Variants in MAF observed in about 807,000 individuals in gnomAD.
MAF encodes MAF bZIP transcription factor.
Under a neutral mutation model 22.0 loss-of-function variants are expected in MAF, and 10 were observed. That is an observed-to-expected ratio of 0.45 (90% CI 0.28 to 0.77). The LOEUF (loss-of-function observed/expected upper bound fraction) is 0.77, where lower values mean the gene tolerates loss of function less well. Among genes scored for constraint, MAF ranks in the 30% least tolerant of loss-of-function variants. The pLI is 0.12. For missense variants in MAF, 544 were observed against 548.4 expected, an observed-to-expected ratio of 0.99 and a Z score of 0.08; for synonymous variants, 337 against 255.8, an observed-to-expected ratio of 1.32 and a Z score of -3.03.
At chr16:79,497,623 G>T in the MAF span, among the ~76,000 whole-genome samples, 5 of 152,202 alleles carry the variant, frequency 3.3e-5, no homozygotes, top group Admixed American at 6.5e-5. Flanking sequence ...CCAAGACGAG[G>T]AATCTGGTGA....
chr16:79,386,805 C>T, the MAF span, among the ~76,000 whole-genome samples: 1 of 151,842 alleles, frequency 6.6e-6, no homozygotes, highest in Non-Finnish European at 1.5e-5. Context: ...ATCCTTAGAG[C>T]CAAAAGAAGA....
the MAF span, among the ~76,000 whole-genome samples, chr16:79,427,958 G>A: frequency 6.6e-6 from 1 of 151,872 alleles, no homozygotes; most frequent in Non-Finnish European, 1.5e-5. Flanking sequence ...AGTGAAGGAG[G>A]GACACCCTTG....
the MAF span, among the ~76,000 whole-genome samples, chr16:79,456,601 G>C: frequency 6.6e-6 from 1 of 152,140 alleles, no homozygotes; most frequent in African/African-American, 2.4e-5. Context: ...GAGCTACTAA[G>C]CTGGCTCAAT....
chr16:79,260,970 G>GTGTAA, the MAF span, among the ~76,000 whole-genome samples: 2 of 152,088 alleles, frequency 1.3e-5, no homozygotes, highest in East Asian at 1.9e-4. Flanking sequence ...ATACCCTGGG[G>GTGTAA]TGTAGGTCAG....
chr16:79,285,778 T>G, the MAF span, among the ~76,000 whole-genome samples: 2 of 152,062 alleles, frequency 1.3e-5, no homozygotes, highest in South Asian at 4.2e-4. Flanking sequence ...AGGCGGGAGG[T>G]GACTTCCCCA....
Position 79,600,066 on chromosome 16 carries a change from A to C in MAF, c.-164T>G. The C allele has an allele frequency of 5.7e-6, 5 of 874,074 alleles. No individual in the cohort carries two copies. Among genetic ancestry groups the C allele is most frequent in the East Asian group, 2.7e-5 (1 of 36,670 alleles). 54.1% of individuals were successfully genotyped at this position (874,074 alleles called of 1,614,324 possible). On this transcript the variant is annotated 5_prime_UTR_variant, in exon 1 of 2. Coordinates refer to ENST00000326043, the MANE Select transcript of MAF (RefSeq NM_005360.5). ...GCCCGAAACCTCCGAGCGCGCTCAC[A>C]CACACACCCCCCCGCCCTGCCCGCG...
At chr16:79,509,371 C>A in the MAF span, among the ~76,000 whole-genome samples, 1 of 152,216 alleles carries the variant, frequency 6.6e-6, no homozygotes, top group Non-Finnish European at 1.5e-5. Context: ...GGGGCACATT[C>A]CCCACATCCA....
chr16:79,379,178 G>C, the MAF span, among the ~76,000 whole-genome samples: 2 of 152,158 alleles, frequency 1.3e-5, no homozygotes, highest in Non-Finnish European at 2.9e-5. Flanking sequence ...TCTCTTACTT[G>C]GTAAAGAGAA....
the MAF span, among the ~76,000 whole-genome samples, chr16:79,318,659 C>T: frequency 1.3e-5 from 2 of 152,158 alleles, 1 homozygote; most frequent in East Asian, 3.8e-4. Flanking sequence ...TTGGATACAT[C>T]CATTTCATGG....
At chr16:79,568,851 T>A in the MAF span, among the ~76,000 whole-genome samples, 1 of 152,218 alleles carries the variant, frequency 6.6e-6, no homozygotes, top group South Asian at 2.1e-4. Flanking sequence ...TACTGAGCAC[T>A]TCTAGGGGCT....
At chr16:79,277,620 T>G in the MAF span, among the ~76,000 whole-genome samples, 1 of 152,220 alleles carries the variant, frequency 6.6e-6, no homozygotes, top group African/African-American at 2.4e-5. Flanking sequence ...CCTACATTTG[T>G]CAGGGAGATG....
chr16:79,412,749 C>G, the MAF span, among the ~76,000 whole-genome samples: 1 of 152,280 alleles, frequency 6.6e-6, no homozygotes, highest in East Asian at 1.9e-4. Context: ...ATGAAAGGGC[C>G]TACTCCAGAG....
At chr16:79,343,247 C>A in the MAF span, among the ~76,000 whole-genome samples, 6,231 of 144,462 alleles carry the variant, frequency 0.043, 357 homozygotes, top group African/African-American at 0.14. Flanking sequence ...AACCCCCCCC[C>A]AAAAAAATCT....
the MAF span, among the ~76,000 whole-genome samples, chr16:79,467,275 C>T: frequency 6.6e-6 from 1 of 152,180 alleles, no homozygotes; most frequent in Non-Finnish European, 1.5e-5. Flanking sequence ...CTATTACAGT[C>T]TCTCACTGCC....
At chr16:79,434,933 C>A in the MAF span, among the ~76,000 whole-genome samples, 5 of 152,062 alleles carry the variant, frequency 3.3e-5, no homozygotes, top group Non-Finnish European at 5.9e-5. Flanking sequence ...TCCAGGGAGG[C>A]AACGATTTGT....
chr16:79,502,849 A>G, the MAF span, among the ~76,000 whole-genome samples: 1 of 149,474 alleles, frequency 6.7e-6, no homozygotes, highest in Non-Finnish European at 1.5e-5. Flanking sequence ...GGTGATGGAA[A>G]TATTCTTTAC....
chr16:79,483,550 G>T, the MAF span, among the ~76,000 whole-genome samples: 1 of 151,950 alleles, frequency 6.6e-6, no homozygotes, highest in African/African-American at 2.4e-5. Context: ...GAAGAGAATA[G>T]AATGGGCAAG....
At chr16:79,406,939 T>G in the MAF span, among the ~76,000 whole-genome samples, 1 of 152,132 alleles carries the variant, frequency 6.6e-6, no homozygotes, top group Non-Finnish European at 1.5e-5. Flanking sequence ...ACTCCTTGTC[T>G]GATGCTCTCA....
chr16:79,421,638 A>ATTTTTTTTTTT, the MAF span, among the ~76,000 whole-genome samples: 30 of 144,818 alleles, frequency 2.1e-4, no homozygotes, highest in African/African-American at 7.4e-4. Context: ...AAGAAAAGTG[A>ATTTTTTTTTTT]TTTTTTTTTT....
Sources: gnomAD v4.1 joint callset for allele counts (sites outside exome capture counted in the v4.1 genomes callset) on GRCh38, gnomAD v4.1.1 for gene constraint, MANE v1.5 for transcripts, NCBI Gene and HGNC (gene_info 2026-07-23, HGNC 2026-07-21) for gene names.